The following TBCK variants were observed in gnomAD, a reference collection of about 807,000 sequenced individuals.
The protein encoded by TBCK is TBC domain-containing protein kinase-like protein.
In TBCK, 99 loss-of-function variants were observed where a neutral mutation model predicts 113.4. That is an observed-to-expected ratio of 0.87 (90% CI 0.74 to 1.03). The LOEUF (loss-of-function observed/expected upper bound fraction) is 1.03, where lower values mean the gene tolerates loss of function less well. Among genes scored for constraint, TBCK ranks in the 50% least tolerant of loss-of-function variants. The pLI is 0.00. For synonymous variants in TBCK, 369 were observed against 370.8 expected, an observed-to-expected ratio of 1.00 and a Z score of 0.05; for missense variants, 1,045 against 1,061.3, an observed-to-expected ratio of 0.98 and a Z score of 0.21.
chr4:106,211,361 AT>A (rs1374249765), intron 20 of TBCK, among the ~76,000 whole-genome samples: 1 of 152,020 alleles, frequency 6.6e-6, no homozygotes, highest in Non-Finnish European at 1.5e-5. Flanking sequence ...TTATTCTTTA[AT>A]TTTAAAAATC....
chr4:106,135,103 T>C (rs1318506993), intron 23 of TBCK, among the ~76,000 whole-genome samples: 3 of 152,188 alleles, frequency 2.0e-5, no homozygotes, highest in Admixed American at 1.3e-4. Context: ...TGAACTAGCC[T>C]GTGCTGGCCA....
In TBCK at chr4:106,250,413, C is replaced by T; in HGVS notation, c.658+5G>A. ...TTGAAAGATAAGCAATTGTACGACACTTACCCAAAGTAAGCAAAAATTTTA... is the reference window on the plus strand; with the variant it reads ...TTGAAAGATAAGCAATTGTACGACATTTACCCAAAGTAAGCAAAAATTTTA... On this transcript the variant is annotated splice_donor_5th_base_variant and intron_variant, in intron 7 of 25. Transcript: ENST00000394708. The T allele has an allele frequency of 6.5e-7, 1 of 1,549,574 alleles. No individual in the cohort carries two copies. Among genetic ancestry groups the T allele is most frequent in the Non-Finnish European group, 8.8e-7 (1 of 1,131,072 alleles).
chr4:106,309,801 A>AG (rs1767994249), intron 1 of TBCK: 1 of 152,206 alleles, frequency 6.6e-6, no homozygotes, highest in Non-Finnish European at 1.5e-5. Flanking sequence ...TTTCATTTTT[A>AG]TGCTAGATAT....
At position 106,198,832 on chromosome 4, in the gene TBCK, C is replaced by T. The variant is rs184844746; in HGVS notation, c.1861-4078G>A. Among the ~76,000 whole-genome samples the T allele has an allele frequency of 5.1e-4, 77 of 152,078 alleles. 1 individual carries two copies. Among genetic ancestry groups the T allele is most frequent in the African/African-American group, 1.8e-3 (76 of 41,532 alleles). ...CTAGCAGAAGAGTCAGACATACGAA[C>T]AGATACCTAAAATGCTTTACTATTA... On this transcript the variant is annotated intron_variant, in intron 20 of 25. Transcript: ENST00000394708.
intron 17 of TBCK, among the ~76,000 whole-genome samples, chr4:106,232,004 GA>G (rs1385434756): frequency 6.6e-6 from 1 of 151,656 alleles, no homozygotes; most frequent in Non-Finnish European, 1.5e-5. Flanking sequence ...ATATTATTAT[GA>G]GTTGAAAAGA....
At chr4:106,197,990 T>G (rs1468960926) in intron 20 of TBCK, among the ~76,000 whole-genome samples, 1 of 152,158 alleles carries the variant, frequency 6.6e-6, no homozygotes, top group Non-Finnish European at 1.5e-5. Flanking sequence ...TTTAGCCAAA[T>G]TGATTTTTCT....
At chr4:106,054,312 A>G (rs1735152261) in intron 25 of TBCK, among the ~76,000 whole-genome samples, 1 of 151,718 alleles carries the variant, frequency 6.6e-6, no homozygotes, top group Admixed American at 6.6e-5. Context: ...GACTGCTTCT[A>G]TCCTTGCCCA....
chr4:106,302,414 T>C (rs1354118399), intron 2 of TBCK, among the ~76,000 whole-genome samples: 1 of 152,088 alleles, frequency 6.6e-6, no homozygotes, highest in South Asian at 2.1e-4. Context: ...GGAAGAATAC[T>C]CCCCAAAGAG....
rs990093416 is a variant in TBCK, at chr4:106,042,026, A to C, written c.*4544T>G. On this transcript the variant is annotated 3_prime_UTR_variant, in exon 26 of 26. Transcript: ENST00000394708. ...GCAATTACATACCCTGTTAAATGTC[A>C]AGTGTCAGTTAAAGTTTGAAACTCT... The C allele has an allele frequency of 6.6e-6, 1 of 152,218 alleles. No individual in the cohort carries two copies. The highest frequency in any genetic ancestry group is 1.5e-5 in the Non-Finnish European group (1 of 68,032). 9.4% of individuals were successfully genotyped at this position (152,218 alleles called of 1,614,324 possible).
Position 106,055,964 on chromosome 4 carries a change from G to A in TBCK, c.2572-9284C>T, listed in dbSNP as rs1050704494. On this transcript the variant is annotated intron_variant, in intron 25 of 25. Transcript: ENST00000394708. ...TTATGGAAAATTATACCATAATTAT[G>A]ATAATTATGGAAAATGAAGCCCTAC... Among the ~76,000 whole-genome samples, 3 of 150,994 alleles carry A rather than the reference G, an allele frequency of 2.0e-5. No homozygotes were observed. The Admixed American group carries it at 2.0e-4, about 10-fold the overall frequency.
At chr4:106,188,386 C>T (rs1164928410) in intron 22 of TBCK, among the ~76,000 whole-genome samples, 1 of 152,060 alleles carries the variant, frequency 6.6e-6, no homozygotes, top group Non-Finnish European at 1.5e-5. Flanking sequence ...GTGAAAAATG[C>T]TCTATATATT....
intron 1 of TBCK, among the ~76,000 whole-genome samples, chr4:106,312,135 C>A (rs749281910): frequency 6.6e-6 from 1 of 151,806 alleles, no homozygotes; most frequent in Non-Finnish European, 1.5e-5. Flanking sequence ...AATAAAAATT[C>A]GAGTTAAAGG....
intron 23 of TBCK, among the ~76,000 whole-genome samples, chr4:106,161,040 G>A (rs1478134855): frequency 6.6e-6 from 1 of 151,998 alleles, no homozygotes; most frequent in Non-Finnish European, 1.5e-5. Context: ...TTGTGGAGAG[G>A]AGGGGAGAAT....
At chr4:106,106,980 G>T (rs28844688) in intron 24 of TBCK, among the ~76,000 whole-genome samples, 172 of 151,814 alleles carry the variant, frequency 1.1e-3, no homozygotes, top group African/African-American at 4.0e-3. Context: ...AAAAAGCAGG[G>T]ATTGCAATCC....
intron 24 of TBCK, among the ~76,000 whole-genome samples, chr4:106,114,744 A>G (rs919624994): frequency 2.6e-5 from 4 of 152,196 alleles, no homozygotes; most frequent in Non-Finnish European, 5.9e-5. Context: ...TTATGGTTTT[A>G]TGGGAGAATT....
intron 22 of TBCK, among the ~76,000 whole-genome samples, chr4:106,175,568 CT>C (rs1181626009): frequency 2.0e-5 from 3 of 151,984 alleles, no homozygotes; most frequent in African/African-American, 7.2e-5. Flanking sequence ...GCCTGTATAA[CT>C]ATATACATTC....
In TBCK at chr4:106,236,420, AT is replaced by A; in HGVS notation, c.1319del (p.Asn440IlefsTer10). 1 of 1,549,842 alleles carries A rather than the reference AT, an allele frequency of 6.5e-7. No individual in the cohort carries two copies. Among genetic ancestry groups the A allele is most frequent in the Admixed American group, 1.8e-5 (1 of 54,548 alleles). ...GCAGCCTGTCGAAGAGAATAATTCT[AT>A]TTAGTTGGTACTCTGTATCCTTCTC... The part of the protein sequence containing the change: ...IREKDTEYQL[N>X]RIILFDRLLK... On this transcript the variant is annotated frameshift_variant, in exon 14 of 26. Transcript: ENST00000394708. LOFTEE classifies it high-confidence loss of function.
intron 25 of TBCK, among the ~76,000 whole-genome samples, chr4:106,065,535 A>G (rs970758939): frequency 1.3e-5 from 2 of 152,034 alleles, no homozygotes; most frequent in Non-Finnish European, 2.9e-5. Context: ...CAATAGATGC[A>G]GTCGACATTT....
chr4:106,229,900 C>A (rs1274168620), intron 19 of TBCK, among the ~76,000 whole-genome samples: 1 of 151,768 alleles, frequency 6.6e-6, no homozygotes, highest in Non-Finnish European at 1.5e-5. Context: ...GACATGAACT[C>A]TTAAGGAGGA....
Sources: gnomAD v4.1 joint callset for allele counts (sites outside exome capture counted in the v4.1 genomes callset) on GRCh38, gnomAD v4.1.1 for gene constraint, MANE v1.5 for transcripts, NCBI Gene and HGNC (gene_info 2026-07-23, HGNC 2026-07-21) for gene names.